Variants in STXBP6 observed in about 807,000 individuals in gnomAD.
The protein encoded by STXBP6 is syntaxin binding protein 6.
In STXBP6, 21 loss-of-function variants were observed where a neutral mutation model predicts 26.9. The observed-to-expected ratio is 0.78, with a 90% confidence interval of 0.55 to 1.12. The LOEUF is 1.12. Among genes scored for constraint, STXBP6 ranks in the 50% most tolerant of loss-of-function variants. The pLI, the probability that STXBP6 is intolerant of heterozygous loss-of-function variation, is 0.00. For missense variants in STXBP6, 232 were observed against 257.9 expected, an observed-to-expected ratio of 0.90 and a Z score of 0.69; for synonymous variants, 97 against 92.6, an observed-to-expected ratio of 1.05 and a Z score of -0.27.
At chr14:24,964,327 G>C (rs1252749090) in intron 2 of STXBP6, among the ~76,000 whole-genome samples, 1 of 152,200 alleles carries the variant, frequency 6.6e-6, no homozygotes, top group East Asian at 1.9e-4. Context: ...CTCATGCTCA[G>C]AGCACGGTAA....
chr14:24,936,643 C>T (rs975002022), intron 2 of STXBP6, among the ~76,000 whole-genome samples: 10 of 152,052 alleles, frequency 6.6e-5, no homozygotes, highest in Non-Finnish European at 1.0e-4. Context: ...ATTGCCACAC[C>T]GTCTTCCACA....
chr14:24,813,157 T>C (rs2067872128), intron 5 of STXBP6, among the ~76,000 whole-genome samples: 1 of 152,150 alleles, frequency 6.6e-6, no homozygotes, highest in Non-Finnish European at 1.5e-5. Context: ...ATCAACAGCT[T>C]TTAGTGAGAC....
intron 2 of STXBP6, among the ~76,000 whole-genome samples, chr14:24,929,900 C>G (rs1713452697): frequency 6.6e-6 from 1 of 152,222 alleles, no homozygotes; most frequent in African/African-American, 2.4e-5. Context: ...CCATACCATA[C>G]TGGCTTCTAA....
At chr14:24,897,863 G>C (rs1265404536) in intron 2 of STXBP6, among the ~76,000 whole-genome samples, 2 of 152,204 alleles carry the variant, frequency 1.3e-5, no homozygotes, top group Non-Finnish European at 2.9e-5. Flanking sequence ...GATGCCTACA[G>C]ACTAAGTGGC....
chr14:24,834,490 A>G (rs2068551740), intron 4 of STXBP6, among the ~76,000 whole-genome samples: 2 of 152,232 alleles, frequency 1.3e-5, no homozygotes. Context: ...TTGTTGTGGG[A>G]ATGATCCTTA....
chr14:24,823,529 A>G (rs1387963980), intron 4 of STXBP6, among the ~76,000 whole-genome samples: 1 of 152,202 alleles, frequency 6.6e-6, no homozygotes, highest in East Asian at 1.9e-4. Context: ...TCTATAAAAT[A>G]CATATAGAGA....
At position 24,988,996 on chromosome 14, in the gene STXBP6, CG is replaced by C. The variant is rs1318888832; in HGVS notation, c.-32-14147del. Reference sequence around the variant, plus strand: ...GAAGGAACAGGCCTGAGGTTACAAACGGAAAGTTTTGCAAGAATAAGTTTTC... The same window carrying C: ...GAAGGAACAGGCCTGAGGTTACAAACGAAAGTTTTGCAAGAATAAGTTTTC... On this transcript the variant is annotated intron_variant, in intron 1 of 5. Coordinates refer to ENST00000323944, the MANE Select transcript of STXBP6 (RefSeq NM_001394410.1). Among the ~76,000 whole-genome samples the C allele has an allele frequency of 2.6e-5, 4 of 152,148 alleles. No individual in the cohort carries two copies. The East Asian group carries it at 7.7e-4, about 29-fold the overall frequency.
chr14:25,021,071 C>CACCT (rs2075254188), intron 1 of STXBP6, among the ~76,000 whole-genome samples: 1 of 152,136 alleles, frequency 6.6e-6, no homozygotes, highest in Non-Finnish European at 1.5e-5. Flanking sequence ...CTTAAACCTC[C>CACCT]ACCTAACACT....
intron 4 of STXBP6, among the ~76,000 whole-genome samples, chr14:24,851,766 T>C (rs1407641074): frequency 1.3e-5 from 2 of 152,238 alleles, no homozygotes; most frequent in Non-Finnish European, 2.9e-5. Context: ...CATGTGGTCA[T>C]GTCACATTTC....
chr14:24,989,039 T>C (rs1003556075), intron 1 of STXBP6, among the ~76,000 whole-genome samples: 1 of 152,180 alleles, frequency 6.6e-6, no homozygotes, highest in Non-Finnish European at 1.5e-5. Flanking sequence ...CATGTATATT[T>C]CTAAAAATAT....
At chr14:24,873,361 C>T (rs981978843) in intron 2 of STXBP6, among the ~76,000 whole-genome samples, 7 of 151,992 alleles carry the variant, frequency 4.6e-5, no homozygotes, top group Middle Eastern at 3.4e-3. Flanking sequence ...GCCAGAAGAG[C>T]CAGGACAGTT....
At chr14:24,857,263 A>C (rs2069370806) in intron 2 of STXBP6, 106 bp from the exon 3 acceptor site, 1 of 1,443,450 alleles carries the variant, frequency 6.9e-7, no homozygotes, top group South Asian at 1.3e-5. Flanking sequence ...GCACAATAAC[A>C]GAGAGAAGGC....
intron 2 of STXBP6, among the ~76,000 whole-genome samples, chr14:24,964,355 C>G (rs968861372): frequency 4.6e-5 from 7 of 152,172 alleles, no homozygotes; most frequent in Non-Finnish European, 1.5e-5. Context: ...GTAGTCTATT[C>G]TCTATGGTAT....
At position 24,911,971 on chromosome 14, in the gene STXBP6, T is replaced by C. The variant is rs572761469; in HGVS notation, c.155-54814A>G. On this transcript the variant is annotated intron_variant, in intron 2 of 5. Coordinates refer to ENST00000323944, the MANE Select transcript of STXBP6 (RefSeq NM_001394410.1). ...CTTGTCCACATGGCAGCACTCCAAA[T>C]ATTGTAAGACAGCAAGTGTGGTATT... is the stretch of plus-strand genomic sequence containing the variant. Among the ~76,000 whole-genome samples, 4 of 152,298 alleles carry C rather than the reference T, an allele frequency of 2.6e-5. No individual in the cohort carries two copies. The South Asian group carries it at 8.3e-4, about 32-fold the overall frequency.
In STXBP6 at chr14:24,989,117, C is replaced by T. The variant is rs558614980; in HGVS notation, c.-32-14267G>A. Among the ~76,000 whole-genome samples the T allele has an allele frequency of 3.3e-5, 5 of 152,278 alleles. No homozygotes were observed. The South Asian group carries it at 8.3e-4, about 25-fold the overall frequency. On this transcript the variant is annotated intron_variant, in intron 1 of 5. Transcript: ENST00000323944. ...GGAAGACCTGGCAACATTAGGCTCG[C>T]ACCCCCCACCATCTCTACAACCTCC...
chr14:24,872,967 T>C (rs531473320), intron 2 of STXBP6, among the ~76,000 whole-genome samples: 5 of 152,344 alleles, frequency 3.3e-5, no homozygotes, highest in African/African-American at 1.2e-4. Context: ...AATGGAAACA[T>C]GCTATTTGCA....
chr14:24,830,880 G>T (rs1004926464), intron 4 of STXBP6, among the ~76,000 whole-genome samples: 2 of 152,154 alleles, frequency 1.3e-5, no homozygotes, highest in Non-Finnish European at 2.9e-5. Context: ...AAAGCAAGGT[G>T]AATTTGGCAC....
intron 2 of STXBP6, among the ~76,000 whole-genome samples, chr14:24,883,781 A>G (rs2070464278): frequency 6.6e-6 from 1 of 152,162 alleles, no homozygotes; most frequent in Non-Finnish European, 1.5e-5. Flanking sequence ...TTGTTCTTCT[A>G]TAGTGTTTAA....
rs116769937 is a variant in STXBP6, at chr14:24,902,024, C to T, written c.155-44867G>A. 2.3e-3 allele frequency among the ~76,000 whole-genome samples: 345 copies of T among 152,084 alleles called. 1 individual carries two copies. Among genetic ancestry groups the T allele is most frequent in the African/African-American group, 7.5e-3 (312 of 41,496 alleles). On this transcript the variant is annotated intron_variant, in intron 2 of 5. Coordinates refer to ENST00000323944, the MANE Select transcript of STXBP6 (RefSeq NM_001394410.1). Reference sequence around the variant, plus strand: ...GTACATCATGCCTCAATGAAATGAACGAATCAAAAGCATTTACTTTTCTTA... The same window carrying T: ...GTACATCATGCCTCAATGAAATGAATGAATCAAAAGCATTTACTTTTCTTA...
Sources: allele counts gnomAD v4.1 joint callset (sites outside exome capture counted in the v4.1 genomes callset), GRCh38; gene constraint gnomAD v4.1.1; transcripts MANE v1.5; gene names NCBI Gene and HGNC (gene_info 2026-07-23, HGNC 2026-07-21).